Variants in LINGO2 observed in about 807,000 individuals in gnomAD.
The protein encoded by LINGO2 is leucine rich repeat and Ig domain containing 2, also known as leucine-rich repeat and immunoglobulin-like domain-containing nogo receptor-interacting protein 2.
LINGO2 carries 14 observed loss-of-function variants against 30.6 expected under a neutral mutation model. The ratio of observed to expected loss-of-function variants is 0.46; its 90% CI spans 0.30 to 0.72. LINGO2 has a LOEUF of 0.72. Ranked by LOEUF, LINGO2 falls within the 30% of genes least tolerant of loss-of-function variation. LINGO2 has a pLI of 0.07. For missense variants in LINGO2, 729 were observed against 751.7 expected (o/e 0.97, Z 0.35); for synonymous variants, 317 against 288.5 (o/e 1.10, Z -1.00).
At chr9:28,383,424 T>C (rs1821439705) in intron 2 of LINGO2, among the ~76,000 whole-genome samples, 1 of 152,106 alleles carries the variant, frequency 6.6e-6, no homozygotes, top group Admixed American at 6.6e-5. Flanking sequence ...AAGTCCGTGA[T>C]CACATTGGAG....
At chr9:28,903,625 C>T in the LINGO2 span, among the ~76,000 whole-genome samples, 3 of 152,026 alleles carry the variant, frequency 2.0e-5, no homozygotes, top group South Asian at 6.2e-4. Flanking sequence ...ACAGGTGCCT[C>T]CTGCTACCAT....
At chr9:29,070,100 T>TATA in the LINGO2 span, among the ~76,000 whole-genome samples, 1 of 151,914 alleles carries the variant, frequency 6.6e-6, no homozygotes, top group Non-Finnish European at 1.5e-5. Flanking sequence ...CATACATATA[T>TATA]TCACACACAC....
chr9:28,632,854 T>TATATA (rs1563878982), intron 1 of LINGO2, among the ~76,000 whole-genome samples: 1 of 83,080 alleles, frequency 1.2e-5, no homozygotes, highest in African/African-American at 7.6e-5. Flanking sequence ...TATATATATT[T>TATATA]TTTATATATA....
intron 2 of LINGO2, among the ~76,000 whole-genome samples, chr9:28,445,662 C>G (rs753203704): frequency 6.6e-6 from 1 of 152,110 alleles, no homozygotes; most frequent in African/African-American, 2.4e-5. Flanking sequence ...ATGTAGAAAA[C>G]AGCATTCAGA....
chr9:28,366,718 A>G (rs1386433713), intron 3 of LINGO2, among the ~76,000 whole-genome samples: 1 of 135,648 alleles, frequency 7.4e-6, no homozygotes, highest in Non-Finnish European at 1.6e-5. Context: ...GTGGTAAAGC[A>G]GGTATGTAAA....
intron 1 of LINGO2, among the ~76,000 whole-genome samples, chr9:28,530,465 G>A (rs1821188508): frequency 6.6e-6 from 1 of 152,080 alleles, no homozygotes; most frequent in African/African-American, 2.4e-5. Context: ...TCATTAATAT[G>A]CTAATTTGCC....
At chr9:28,715,455 G>T in the LINGO2 span, among the ~76,000 whole-genome samples, 3 of 152,024 alleles carry the variant, frequency 2.0e-5, no homozygotes, top group Non-Finnish European at 4.4e-5. Context: ...AATTTATTCT[G>T]CAATGTACAC....
the LINGO2 span, among the ~76,000 whole-genome samples, chr9:28,850,602 A>G: frequency 6.6e-6 from 1 of 152,032 alleles, no homozygotes; most frequent in Non-Finnish European, 1.5e-5. Flanking sequence ...TTATTTAACC[A>G]GCCACCTCAG....
chr9:28,541,835 G>C (rs1821712516), intron 1 of LINGO2, among the ~76,000 whole-genome samples: 1 of 152,092 alleles, frequency 6.6e-6, no homozygotes, highest in Non-Finnish European at 1.5e-5. Flanking sequence ...CTTGATTAGA[G>C]TTAAAATTCA....
chr9:27,992,479 ATAT>A (rs1821445104), intron 5 of LINGO2, among the ~76,000 whole-genome samples: 1 of 152,258 alleles, frequency 6.6e-6, no homozygotes, highest in South Asian at 2.1e-4. Flanking sequence ...CTATATGGAA[ATAT>A]TATCATAGGT....
chr9:28,800,261 T>G, the LINGO2 span, among the ~76,000 whole-genome samples: 1 of 152,128 alleles, frequency 6.6e-6, no homozygotes, highest in Non-Finnish European at 1.5e-5. Context: ...AAATGTCTTC[T>G]GAGTTGAACT....
At chr9:28,205,642 A>G (rs184796343) in intron 4 of LINGO2, among the ~76,000 whole-genome samples, 2 of 152,318 alleles carry the variant, frequency 1.3e-5, no homozygotes, top group African/African-American at 2.4e-5. Flanking sequence ...AAAGAAGAAA[A>G]CATGGCAGTA....
At chr9:28,005,245 G>A (rs1419043499) in intron 5 of LINGO2, among the ~76,000 whole-genome samples, 1 of 152,182 alleles carries the variant, frequency 6.6e-6, no homozygotes, top group African/African-American at 2.4e-5. Context: ...ATTTTCCATA[G>A]TGTTATGTGC....
At chr9:29,097,412 T>A in the LINGO2 span, among the ~76,000 whole-genome samples, 2 of 138,512 alleles carry the variant, frequency 1.4e-5, no homozygotes, top group Admixed American at 1.5e-4. Flanking sequence ...AAATCTTTCC[T>A]TAAAAATTTA....
At chr9:29,178,791 A>G in the LINGO2 span, among the ~76,000 whole-genome samples, 1 of 152,030 alleles carries the variant, frequency 6.6e-6, no homozygotes, top group Non-Finnish European at 1.5e-5. Context: ...GAGGAAAGGA[A>G]ACAGTAAAAC....
chr9:28,717,545 T>C, the LINGO2 span, among the ~76,000 whole-genome samples: 1 of 152,088 alleles, frequency 6.6e-6, no homozygotes, highest in South Asian at 2.1e-4. Context: ...GATTTCCCTC[T>C]CTTTTCTCTC....
intron 2 of LINGO2, among the ~76,000 whole-genome samples, chr9:28,422,579 G>T (rs964179085): frequency 2.6e-5 from 4 of 152,018 alleles, no homozygotes; most frequent in Non-Finnish European, 5.9e-5. Context: ...TAGTAGGGGT[G>T]TAAAATGGTA....
chr9:27,938,761 G>A, the LINGO2 span: 1 of 152,168 alleles, frequency 6.6e-6, no homozygotes, highest in Non-Finnish European at 1.5e-5. Context: ...TTAAACCACA[G>A]TTTGATAATG....
chr9:28,981,328 C>T, the LINGO2 span, among the ~76,000 whole-genome samples: 2 of 151,558 alleles, frequency 1.3e-5, no homozygotes, highest in South Asian at 4.2e-4. Flanking sequence ...AATGCCTATG[C>T]CACTTGAAAT....
Sources: gnomAD v4.1 joint callset for allele counts (sites outside exome capture counted in the v4.1 genomes callset) on GRCh38, gnomAD v4.1.1 for gene constraint, MANE v1.5 for transcripts, NCBI Gene and HGNC (gene_info 2026-07-23, HGNC 2026-07-21) for gene names.